MBOAT4: variants seen among roughly 807,000 people sequenced by gnomAD.
MBOAT4 encodes membrane-bound ghrelin O-acyltransferase MBOAT4.
Under a neutral mutation model 13.2 loss-of-function variants are expected in MBOAT4, and 11 were observed. The observed-to-expected ratio is 0.84, with a 90% CI of 0.53 to 1.38. The LOEUF is 1.38. MBOAT4 is among the 40% of genes most tolerant of loss of function. The pLI, the probability that MBOAT4 is intolerant of heterozygous loss-of-function variation, is 0.00. For missense variants in MBOAT4, 481 were observed against 527.2 expected, an observed-to-expected ratio of 0.91 and a Z score of 0.86; for synonymous variants, 202 against 210.3, an observed-to-expected ratio of 0.96 and a Z score of 0.34.
intron 2 of MBOAT4, among the ~76,000 whole-genome samples, chr8:30,135,742 C>T (rs1322735065): frequency 2.6e-5 from 4 of 151,708 alleles, no homozygotes; most frequent in South Asian, 2.1e-4. Context: ...GGCAAAACCC[C>T]GTTTCTACAA....
intron 2 of MBOAT4, chr8:30,137,349 T>A: frequency 6.4e-7 from 1 of 1,551,598 alleles, no homozygotes. Context: ...AGCAGCTGCC[T>A]CTCCCAGCAG....
chr8:30,139,302 T>C (rs979654441), intron 1 of MBOAT4, among the ~76,000 whole-genome samples: 6 of 149,024 alleles, frequency 4.0e-5, no homozygotes, highest in African/African-American at 1.5e-4. Context: ...CTCTCTTTGA[T>C]GCCCTCCATT....
chr8:30,138,730 C>T lies in MBOAT4; in HGVS notation c.146G>A (p.Gly49Asp). 1.3e-6 allele frequency: 2 copies of T among 1,549,936 alleles called. No homozygotes were observed. Among genetic ancestry groups the T allele is most frequent in the Non-Finnish European group, 1.7e-6 (2 of 1,146,904 alleles). The part of the protein sequence containing the change: ...ARYLFLLTGG[G>D]ALAVAAMGSY... ...ACCCATGGCAGCCACGGCCAGGGCACCTCCTCCAGTCAGGAGAAAGAGGTA... is the reference window on the plus strand; with the variant it reads ...ACCCATGGCAGCCACGGCCAGGGCATCTCCTCCAGTCAGGAGAAAGAGGTA... Residue 49 changes from glycine (G) to aspartate (D), a missense_variant, in exon 2 of 3, where the codon GGT becomes GAT. Coordinates refer to ENST00000320542, the MANE Select transcript of MBOAT4 (RefSeq NM_001100916.2).
intron 1 of MBOAT4, among the ~76,000 whole-genome samples, chr8:30,142,188 A>G (rs1238134132): frequency 6.6e-6 from 1 of 152,152 alleles, no homozygotes; most frequent in Non-Finnish European, 1.5e-5. Context: ...TTTACGAGAA[A>G]TATATTTATT....
chr8:30,136,519 C>T (rs1422512830), intron 2 of MBOAT4, among the ~76,000 whole-genome samples: 1 of 152,130 alleles, frequency 6.6e-6, no homozygotes, highest in Non-Finnish European at 1.5e-5. Flanking sequence ...CTAGCAGAGC[C>T]CCCCATTCCA....
intron 2 of MBOAT4, among the ~76,000 whole-genome samples, chr8:30,136,175 G>T (rs1446515640): frequency 6.6e-6 from 1 of 152,132 alleles, no homozygotes; most frequent in Non-Finnish European, 1.5e-5. Flanking sequence ...TCTAACCCCA[G>T]TACCTCAGAA....
intron 2 of MBOAT4, among the ~76,000 whole-genome samples, chr8:30,133,813 A>G (rs2117535856): frequency 6.6e-6 from 1 of 151,132 alleles, no homozygotes; most frequent in Admixed American, 6.6e-5. Context: ...AAAGAAAGAG[A>G]AAAGAAAATG....
chr8:30,143,633 T>G (rs1359649623), intron 1 of MBOAT4, among the ~76,000 whole-genome samples: 2 of 152,190 alleles, frequency 1.3e-5, no homozygotes, highest in African/African-American at 4.8e-5. Flanking sequence ...TCATCACATC[T>G]CTAGTGATAA....
At position 30,138,698 on chromosome 8, in the gene MBOAT4, C is replaced by T. The variant is rs1423520287; in HGVS notation, c.178G>A (p.Ala60Thr). The change falls in exon 2 of 3, where the codon GCC becomes ACC. Residue 60 changes from alanine to threonine, a missense_variant. Transcript: ENST00000320542. ...ACAGCAGGGGTGAAGACGAGCACGG[C>T]GTAGGAACCCATGGCAGCCACGGCC... is the stretch of plus-strand genomic sequence containing the variant. Reference protein sequence around the residue: ...ALAVAAMGSYAVLVFTPAVCA... With the variant: ...ALAVAAMGSYTVLVFTPAVCA... 7.7e-6 allele frequency: 12 copies of T among 1,550,538 alleles called. No individual in the cohort carries two copies. Among genetic ancestry groups the T allele is most frequent in the Admixed American group, 3.9e-5 (2 of 50,980 alleles).
chr8:30,140,003 AC>A (rs1181917732), intron 1 of MBOAT4, among the ~76,000 whole-genome samples: 1 of 152,186 alleles, frequency 6.6e-6, no homozygotes, highest in Non-Finnish European at 1.5e-5. Context: ...ATATCCTGTC[AC>A]GAAAAATCTG....
intron 1 of MBOAT4, among the ~76,000 whole-genome samples, chr8:30,144,059 T>TA (rs1337962620): frequency 6.6e-6 from 1 of 152,042 alleles, no homozygotes; most frequent in Non-Finnish European, 1.5e-5. Context: ...GAGAGTAAGT[T>TA]AAAAACAAGT....
intron 2 of MBOAT4, among the ~76,000 whole-genome samples, chr8:30,134,384 C>T (rs894826084): frequency 6.6e-6 from 1 of 151,614 alleles, no homozygotes; most frequent in African/African-American, 2.4e-5. Context: ...GATTGTGTCA[C>T]TGCATTCCAG....
Position 30,144,548 on chromosome 8 carries a change from A to G in MBOAT4, c.54T>C (p.Ala18=), listed in dbSNP as rs1803317876. 2 of 1,551,626 alleles carry G rather than the reference A, an allele frequency of 1.3e-6. No individual in the cohort carries two copies. The highest frequency in any genetic ancestry group is 1.7e-6 in the Non-Finnish European group (2 of 1,146,936). Reference sequence around the variant, plus strand: ...TGAAGAGAAGTGCAAAGGGAAATGCAGCCCCCTGGTAAAACGATATAGGAT... The same window carrying G: ...TGAAGAGAAGTGCAAAGGGAAATGCGGCCCCCTGGTAAAACGATATAGGAT... ...FLHPISFYQG[A]AFPFALLFNY... The change falls in exon 1 of 3, where the codon GCT becomes GCC. Residue 18 remains alanine (A), a synonymous_variant. Coordinates refer to ENST00000320542, the MANE Select transcript of MBOAT4 (RefSeq NM_001100916.2).
intron 2 of MBOAT4, among the ~76,000 whole-genome samples, chr8:30,136,191 C>G (rs1803135980): frequency 6.6e-6 from 1 of 152,136 alleles, no homozygotes; most frequent in Non-Finnish European, 1.5e-5. Context: ...CAGAATGTGA[C>G]TGTATATGGA....
chr8:30,140,257 T>C (rs1042025684), intron 1 of MBOAT4, among the ~76,000 whole-genome samples: 2 of 152,100 alleles, frequency 1.3e-5, no homozygotes, highest in African/African-American at 4.8e-5. Flanking sequence ...GGCTGGTCTC[T>C]AACTCCTGGC....
At chr8:30,140,129 T>C (rs1803237410) in intron 1 of MBOAT4, among the ~76,000 whole-genome samples, 2 of 152,118 alleles carry the variant, frequency 1.3e-5, no homozygotes, top group Admixed American at 1.3e-4. Flanking sequence ...CTCCGTCTCC[T>C]GGGTTCAAGC....
intron 1 of MBOAT4, among the ~76,000 whole-genome samples, chr8:30,140,255 T>A (rs945024224): frequency 1.3e-5 from 2 of 152,192 alleles, no homozygotes; most frequent in African/African-American, 4.8e-5. Context: ...CAGGCTGGTC[T>A]CTAACTCCTG....
At chr8:30,137,766 C>A (rs1585486373) in intron 2 of MBOAT4, 1 of 446,008 alleles carries the variant, frequency 2.2e-6, no homozygotes, top group East Asian at 3.9e-5. Flanking sequence ...TTTCCCAAAA[C>A]AAACCCCCTT....
At chr8:30,143,710 G>C (rs996665428) in intron 1 of MBOAT4, among the ~76,000 whole-genome samples, 2 of 152,032 alleles carry the variant, frequency 1.3e-5, no homozygotes, top group African/African-American at 4.8e-5. Context: ...TCATTTCTCT[G>C]AGAATTCATA....
Sources: allele counts gnomAD v4.1 joint callset (sites outside exome capture counted in the v4.1 genomes callset), GRCh38; gene constraint gnomAD v4.1.1; transcripts MANE v1.5; gene names NCBI Gene and HGNC (gene_info 2026-07-23, HGNC 2026-07-21).